The following HDAC9 variants were observed in gnomAD, a reference collection of about 807,000 sequenced individuals.
HDAC9 encodes histone deacetylase 9, also known as MEF-2 interacting transcription repressor (MITR) protein.
A neutral mutation model predicts 139.4 loss-of-function variants in HDAC9; 41 were observed. That is an observed-to-expected ratio of 0.29 (90% CI 0.23 to 0.38). The LOEUF (loss-of-function observed/expected upper bound fraction) is 0.38, where lower values mean the gene tolerates loss of function less well. HDAC9 is among the 10% of genes least tolerant of loss of function. The probability of loss-of-function intolerance (pLI) is 1.00; values close to 1 mark genes in which losing one functional copy is unlikely to be tolerated. For synonymous variants in HDAC9, 517 were observed against 476.2 expected, an observed-to-expected ratio of 1.09 and a Z score of -1.12; for missense variants, 1,147 against 1,297.0, an observed-to-expected ratio of 0.88 and a Z score of 1.78.
At chr7:18,961,098 T>C (rs111662174) in intron 24 of HDAC9, among the ~76,000 whole-genome samples, 3 of 152,324 alleles carry the variant, frequency 2.0e-5, no homozygotes, top group African/African-American at 7.2e-5. Flanking sequence ...CTGCCTTTTT[T>C]TCGTATGTCT....
intron 2 of HDAC9, among the ~76,000 whole-genome samples, chr7:18,239,144 CT>C (rs1794022155): frequency 6.6e-6 from 1 of 151,778 alleles, no homozygotes; most frequent in African/African-American, 2.4e-5. Flanking sequence ...TTTTTTCCCC[CT>C]AAAAGACAAT....
intron 25 of HDAC9, among the ~76,000 whole-genome samples, chr7:18,976,155 G>C (rs947781246): frequency 1.3e-5 from 2 of 152,186 alleles, no homozygotes; most frequent in Admixed American, 1.3e-4. Flanking sequence ...TGCAGAGCTG[G>C]AGCATGTGGT....
intron 22 of HDAC9, among the ~76,000 whole-genome samples, chr7:18,898,609 G>A (rs1801423958): frequency 6.6e-6 from 1 of 151,790 alleles, no homozygotes; most frequent in Non-Finnish European, 1.5e-5. Flanking sequence ...CAGAGAAAGG[G>A]TATGTACTCA....
At chr7:18,786,253 G>A (rs1276708805) in intron 16 of HDAC9, among the ~76,000 whole-genome samples, 1 of 151,998 alleles carries the variant, frequency 6.6e-6, no homozygotes, top group Non-Finnish European at 1.5e-5. Context: ...TTTTAAATGT[G>A]AACAGCATTA....
intron 2 of HDAC9, among the ~76,000 whole-genome samples, chr7:18,540,273 C>CAA (rs967501382): frequency 2.6e-4 from 11 of 43,108 alleles, no homozygotes; most frequent in East Asian, 7.0e-4. Context: ...AACTCCATCT[C>CAA]AAAAAAAAAA....
chr7:18,297,933 C>G (rs1798258835), intron 1 of HDAC9, among the ~76,000 whole-genome samples: 1 of 152,180 alleles, frequency 6.6e-6, no homozygotes, highest in Admixed American at 6.5e-5. Flanking sequence ...AGGCCTGTGC[C>G]TGGGGGATTT....
chr7:18,213,946 T>G (rs969158350), intron 2 of HDAC9, among the ~76,000 whole-genome samples: 1 of 152,048 alleles, frequency 6.6e-6, no homozygotes, highest in African/African-American at 2.4e-5. Context: ...CCAGCAGTTG[T>G]TTTTTTCCTT....
At chr7:18,255,413 C>G (rs1390248577) in intron 2 of HDAC9, among the ~76,000 whole-genome samples, 13 of 152,080 alleles carry the variant, frequency 8.5e-5, no homozygotes, top group Admixed American at 8.5e-4. Context: ...AGTCATGTGA[C>G]AGCCATAAGT....
rs543576988 is a variant in HDAC9, at chr7:18,971,138, C to T, written c.3023-4668C>T. Reference sequence around the variant, plus strand: ...AACTCTTGACTCTCTACATTCCATTCTATACTTTTTATCTTTATTGTAGAT... The same window carrying T: ...AACTCTTGACTCTCTACATTCCATTTTATACTTTTTATCTTTATTGTAGAT... On this transcript the variant is annotated intron_variant, in intron 24 of 25. Transcript: ENST00000686413. 2.6e-4 allele frequency among the ~76,000 whole-genome samples: 39 copies of T among 152,200 alleles called. 1 individual carries two copies. Among genetic ancestry groups the T allele is most frequent in the Middle Eastern group, 3.4e-3 (1 of 294 alleles).
chr7:18,415,885 C>G (rs953813987), intron 1 of HDAC9, among the ~76,000 whole-genome samples: 1 of 152,106 alleles, frequency 6.6e-6, no homozygotes, highest in Non-Finnish European at 1.5e-5. Context: ...GGGAATTGCA[C>G]TGACTGATTT....
chr7:18,256,186 G>T (rs1439425014), intron 2 of HDAC9, among the ~76,000 whole-genome samples: 1 of 152,054 alleles, frequency 6.6e-6, no homozygotes, highest in South Asian at 2.1e-4. Flanking sequence ...GTATTTTAGG[G>T]TTCCTACAAA....
chr7:18,443,764 A>C (rs576515139), intron 1 of HDAC9, among the ~76,000 whole-genome samples: 1 of 151,970 alleles, frequency 6.6e-6, no homozygotes, highest in Non-Finnish European at 1.5e-5. Context: ...TTGTACACAC[A>C]CAAACATTAT....
chr7:18,216,157 A>T (rs754753457), intron 2 of HDAC9, among the ~76,000 whole-genome samples: 1 of 151,444 alleles, frequency 6.6e-6, no homozygotes, highest in Non-Finnish European at 1.5e-5. Flanking sequence ...AGACAGAGAG[A>T]GTTTGAGAGA....
In HDAC9 at chr7:18,865,030, A is replaced by G. The variant is rs183094885; in HGVS notation, c.2685-9448A>G. On this transcript the variant is annotated intron_variant, in intron 21 of 25. Coordinates refer to ENST00000686413, the MANE Select transcript of HDAC9 (RefSeq NM_178425.4). ...GTCCTGGCCAAGCTTCACTGACCAG[A>G]GACTCATGGGTCATTAAAACAAACA... 2.0e-5 allele frequency among the ~76,000 whole-genome samples: 3 copies of G among 152,338 alleles called. No homozygotes were observed. The East Asian group carries it at 5.8e-4, about 29-fold the overall frequency.
intron 24 of HDAC9, among the ~76,000 whole-genome samples, chr7:18,967,922 G>A (rs1220747103): frequency 1.3e-5 from 2 of 152,098 alleles, no homozygotes; most frequent in Admixed American, 6.6e-5. Context: ...CAGCACTTTC[G>A]GAGGCCGAGG....
intron 1 of HDAC9, among the ~76,000 whole-genome samples, chr7:18,126,629 G>A (rs370647872): frequency 3.9e-5 from 6 of 152,100 alleles, no homozygotes; most frequent in African/African-American, 7.2e-5. Flanking sequence ...ATGCCCTGTG[G>A]TGTTTTATTA....
At chr7:18,765,887 C>G (rs1584999448) in intron 15 of HDAC9, among the ~76,000 whole-genome samples, 1 of 152,154 alleles carries the variant, frequency 6.6e-6, no homozygotes, top group East Asian at 1.9e-4. Context: ...GACTTCTCAT[C>G]TTTTTGTTAA....
intron 1 of HDAC9, among the ~76,000 whole-genome samples, chr7:18,419,963 C>T (rs1398430417): frequency 6.6e-6 from 1 of 152,162 alleles, no homozygotes; most frequent in Non-Finnish European, 1.5e-5. Context: ...AGGCCTGCAC[C>T]TGCAGATTAC....
At position 18,303,407 on chromosome 7, in the gene HDAC9, GTGTGTGTGTGTGTGTGTT is replaced by G. The variant is rs1386108103; in HGVS notation, c.-42+12894_-42+12911del. On this transcript the variant is annotated intron_variant, in intron 1 of 3. Transcript: ENST00000413509. ...TGTGTGTGTGTGTGTGTGTGTGTGT[GTGTGTGTGTGTGTGTGTT>G]TTTAGTAGAGATGGGGTTTCACCGT... Among the ~76,000 whole-genome samples, 891 of 142,876 alleles carry G rather than the reference GTGTGTGTGTGTGTGTGTT, an allele frequency of 6.2e-3. 16 individuals carry two copies. The highest frequency in any genetic ancestry group is 0.021 in the African/African-American group (799 of 37,586). 93.7% of individuals were successfully genotyped at this position (142,876 alleles called of 152,430 possible).
Sources: allele counts gnomAD v4.1 joint callset (sites outside exome capture counted in the v4.1 genomes callset), GRCh38; gene constraint gnomAD v4.1.1; transcripts MANE v1.5; gene names NCBI Gene and HGNC (gene_info 2026-07-23, HGNC 2026-07-21).